The following CDH13 variants were observed in gnomAD, a reference collection of about 807,000 sequenced individuals.
The protein encoded by CDH13 is cadherin 13, also known as cadherin-13.
In CDH13, 24 loss-of-function variants were observed where a neutral mutation model predicts 63.8. That is an observed-to-expected ratio of 0.38 (90% CI 0.27 to 0.53). CDH13 has a LOEUF of 0.53. Ranked by LOEUF, CDH13 falls within the 20% of genes least tolerant of loss-of-function variation. The pLI is 0.85. For synonymous variants in CDH13, 503 were observed against 355.3 expected (o/e 1.42, Z -4.67); for missense variants, 1,049 against 903.1 (o/e 1.16, Z -2.07).
chr16:83,262,496 TC>T (rs1907110388), intron 5 of CDH13, among the ~76,000 whole-genome samples: 2 of 152,200 alleles, frequency 1.3e-5, no homozygotes, highest in African/African-American at 4.8e-5. Flanking sequence ...CTGGGGTTTT[TC>T]TAATTATACC....
chr16:83,415,503 C>A (rs1462391659), intron 6 of CDH13, among the ~76,000 whole-genome samples: 1 of 152,084 alleles, frequency 6.6e-6, no homozygotes, highest in Admixed American at 6.5e-5. Context: ...AATGTAGAAG[C>A]AAAAGTCCTT....
chr16:83,244,530 A>G (rs1243446961), intron 5 of CDH13, among the ~76,000 whole-genome samples: 1 of 152,178 alleles, frequency 6.6e-6, no homozygotes, highest in Non-Finnish European at 1.5e-5. Context: ...TTCTCTAAGT[A>G]GTTCCCCTGG....
chr16:82,703,902 T>C (rs2031262456), intron 1 of CDH13, among the ~76,000 whole-genome samples: 1 of 152,192 alleles, frequency 6.6e-6, no homozygotes, highest in Non-Finnish European at 1.5e-5. Flanking sequence ...CTTCGGGGGC[T>C]CCAGGAATTC....
intron 1 of CDH13, among the ~76,000 whole-genome samples, chr16:82,747,151 T>G (rs17274597): frequency 6.6e-6 from 1 of 151,978 alleles, no homozygotes; most frequent in African/African-American, 2.4e-5. Context: ...TGTTGTACCA[T>G]GATGACTGCC....
intron 1 of CDH13, among the ~76,000 whole-genome samples, chr16:82,731,962 A>C (rs2033425991): frequency 6.6e-6 from 1 of 152,118 alleles, no homozygotes; most frequent in Admixed American, 6.6e-5. Flanking sequence ...CACCTGAAAC[A>C]ATCTCTTCTT....
At chr16:83,253,353 G>A (rs779291849) in intron 5 of CDH13, among the ~76,000 whole-genome samples, 3 of 152,188 alleles carry the variant, frequency 2.0e-5, no homozygotes, top group African/African-American at 7.2e-5. Context: ...AGAGCATTGC[G>A]TGAGTGTGGC....
chr16:83,207,604 G>C (rs1597516175), intron 4 of CDH13, among the ~76,000 whole-genome samples: 1 of 152,182 alleles, frequency 6.6e-6, no homozygotes, highest in African/African-American at 2.4e-5. Context: ...CTTTCCGTGT[G>C]TCTATGGGTC....
chr16:83,612,589 C>A (rs372732828), intron 8 of CDH13, among the ~76,000 whole-genome samples: 15 of 152,058 alleles, frequency 9.9e-5, no homozygotes, highest in East Asian at 7.7e-4. Context: ...TGATAAATTT[C>A]TTTTCCTCTT....
intron 5 of CDH13, among the ~76,000 whole-genome samples, chr16:83,341,437 G>T (rs1420989549): frequency 1.3e-5 from 2 of 152,120 alleles, no homozygotes; most frequent in South Asian, 2.1e-4. Flanking sequence ...TATGTGATTG[G>T]GTGGATAAGG....
intron 5 of CDH13, among the ~76,000 whole-genome samples, chr16:83,325,619 G>C (rs780890216): frequency 1.3e-5 from 2 of 152,122 alleles, no homozygotes; most frequent in Admixed American, 6.5e-5. Flanking sequence ...CAGCAGCCTC[G>C]ATGTGGCCTG....
chr16:83,712,709 A>T, intron 10 of CDH13, among the ~76,000 whole-genome samples: 1 of 152,176 alleles, frequency 6.6e-6, no homozygotes, highest in Non-Finnish European at 1.5e-5. Context: ...AAAAGACCAT[A>T]TTGCCACTTG....
intron 1 of CDH13, among the ~76,000 whole-genome samples, chr16:82,654,864 G>A (rs1042965365): frequency 1.9e-4 from 29 of 152,032 alleles, no homozygotes; most frequent in East Asian, 9.6e-4. Context: ...GGCTTTCCTC[G>A]TATCAGTTCT....
intron 6 of CDH13, among the ~76,000 whole-genome samples, chr16:83,441,454 T>C (rs570287051): frequency 1.3e-5 from 2 of 152,360 alleles, no homozygotes; most frequent in Admixed American, 6.5e-5. Flanking sequence ...CTTTCCCCGA[T>C]TGGTAGAATT....
chr16:82,838,455 C>T (rs1688530800), intron 1 of CDH13, among the ~76,000 whole-genome samples: 1 of 152,188 alleles, frequency 6.6e-6, no homozygotes, highest in Non-Finnish European at 1.5e-5. Context: ...CCCCCACACC[C>T]TTCCTGTTTA....
chr16:83,059,785 T>TTTTTG (rs2031336193), intron 3 of CDH13, among the ~76,000 whole-genome samples: 1 of 134,664 alleles, frequency 7.4e-6, no homozygotes, highest in South Asian at 2.4e-4. Flanking sequence ...TTGTTTTTTT[T>TTTTTG]TTTGTTTGTT....
chr16:82,967,975 C>T (rs770724593), intron 2 of CDH13, among the ~76,000 whole-genome samples: 5 of 152,124 alleles, frequency 3.3e-5, no homozygotes, highest in African/African-American at 4.8e-5. Flanking sequence ...TTTTGCCCTC[C>T]TGCCCCACCA....
intron 6 of CDH13, among the ~76,000 whole-genome samples, chr16:83,454,665 G>C (rs978915863): frequency 1.3e-5 from 2 of 151,904 alleles, no homozygotes; most frequent in Admixed American, 6.6e-5. Flanking sequence ...TTTAGCTGTA[G>C]AAACTGTGTT....
intron 4 of CDH13, among the ~76,000 whole-genome samples, chr16:83,199,061 G>C (rs1379323150): frequency 6.6e-6 from 1 of 152,206 alleles, no homozygotes; most frequent in African/African-American, 2.4e-5. Context: ...GGGAGGAGGG[G>C]TGTTATGGCA....
intron 5 of CDH13, among the ~76,000 whole-genome samples, chr16:83,302,548 A>G (rs1421622453): frequency 6.6e-6 from 1 of 152,222 alleles, no homozygotes; most frequent in Non-Finnish European, 1.5e-5. Flanking sequence ...CTCACTTCTT[A>G]TCCCTTAATT....
Sources: gnomAD v4.1 joint callset for allele counts (sites outside exome capture counted in the v4.1 genomes callset) on GRCh38, gnomAD v4.1.1 for gene constraint, MANE v1.5 for transcripts, NCBI Gene and HGNC (gene_info 2026-07-23, HGNC 2026-07-21) for gene names.